The following GRK4 variants were observed in gnomAD, a reference collection of about 807,000 sequenced individuals.
The protein encoded by GRK4 is G protein-coupled receptor kinase 4.
Under a neutral mutation model 77.9 loss-of-function variants are expected in GRK4, and 73 were observed. The observed-to-expected ratio is 0.94, with a 90% CI of 0.78 to 1.14. GRK4 has a LOEUF of 1.14. Ranked by LOEUF, GRK4 falls within the 50% of genes most tolerant of loss-of-function variation. The pLI, the probability that GRK4 is intolerant of heterozygous loss-of-function variation, is 0.00. For missense variants in GRK4, 729 were observed against 700.2 expected, an observed-to-expected ratio of 1.04 and a Z score of -0.46; for synonymous variants, 257 against 254.4, an observed-to-expected ratio of 1.01 and a Z score of -0.10.
Position 3,035,416 on chromosome 4 carries a change from G to A in GRK4, c.1300G>A (p.Gly434Ser). Residue 434 changes from glycine (G) to serine (S), a missense_variant, in exon 13 of 16, where the codon GGC becomes AGC. Gly to Ser is a moderately conservative substitution (Grantham distance 56, BLOSUM62 0). Transcript: ENST00000398052. ...CACCAAGAATCCAAGCAAGCGGCTG[G>A]GCTGCAGGGGCGAGGGAGCGGCTGG... The part of the protein sequence containing the change: ...LLTKNPSKRL[G>S]CRGEGAAGVK... The A allele has an allele frequency of 6.2e-7, 1 of 1,613,962 alleles. No individual in the cohort carries two copies. Among genetic ancestry groups the A allele is most frequent in the Non-Finnish European group, 8.5e-7 (1 of 1,179,976 alleles).
At position 3,037,459 on chromosome 4, in the gene GRK4, A is replaced by T; in HGVS notation, c.1493A>T (p.Asp498Val). Residue 498 changes from aspartate to valine, a missense_variant, in exon 14 of 16, where the codon GAC becomes GTC. Coordinates refer to ENST00000398052, the MANE Select transcript of GRK4 (RefSeq NM_182982.3). ...ATCTACCTGGACACCGCAGATGAAGACTTCTATGCTCGGTTTGCTACCGGG... is the reference window on the plus strand; with the variant it reads ...ATCTACCTGGACACCGCAGATGAAGTCTTCTATGCTCGGTTTGCTACCGGG... ...KGIYLDTADE[D>V]FYARFATGCV... 3.1e-6 allele frequency: 5 copies of T among 1,611,674 alleles called. No individual in the cohort carries two copies. The highest frequency in any genetic ancestry group is 4.2e-6 in the Non-Finnish European group (5 of 1,178,136).
chr4:2,970,447 C>T (rs1006769218), intron 1 of GRK4, among the ~76,000 whole-genome samples: 2 of 151,940 alleles, frequency 1.3e-5, no homozygotes, highest in African/African-American at 4.8e-5. Flanking sequence ...ATCACGAGGT[C>T]CAGGTATCGA....
Position 3,040,685 on chromosome 4 carries a change from C to A in GRK4, c.*60C>A. On this transcript the variant is annotated 3_prime_UTR_variant, in exon 16 of 16. Transcript: ENST00000398052. The stretch of plus-strand genomic sequence containing the variant: ...GCCAGGAAGGAGCATGTGTTAGCGT[C>A]TCGTCCCACCTGGAATTGTAATAAA... 1 of 1,381,154 alleles carries A rather than the reference C, an allele frequency of 7.2e-7. No individual in the cohort carries two copies. The highest frequency in any genetic ancestry group is 1.0e-6 in the Non-Finnish European group (1 of 981,770). 85.6% of individuals were successfully genotyped at this position (1,381,154 alleles called of 1,614,324 possible).
intron 6 of GRK4, among the ~76,000 whole-genome samples, chr4:3,008,864 T>G (rs1420008253): frequency 6.6e-6 from 1 of 152,146 alleles, no homozygotes; most frequent in African/African-American, 2.4e-5. Context: ...TATTATTGAT[T>G]GATTAAATTT....
At chr4:3,037,044 G>GGTGT (rs1271637092) in intron 13 of GRK4, among the ~76,000 whole-genome samples, 21,271 of 144,094 alleles carry the variant, frequency 0.15, 1,540 homozygotes, top group African/African-American at 0.16. Flanking sequence ...CCTCAGGAGG[G>GGTGT]GTGTGTGTGT....
intron 13 of GRK4, 92 bp from the exon 14 acceptor site, chr4:3,037,282 C>A: frequency 7.9e-7 from 1 of 1,263,008 alleles, no homozygotes; most frequent in Non-Finnish European, 1.1e-6. Context: ...GGTGTTTATG[C>A]GTCAGTTTGC....
intron 8 of GRK4, among the ~76,000 whole-genome samples, chr4:3,014,972 T>C (rs1214729990): frequency 6.6e-6 from 1 of 152,204 alleles, no homozygotes; most frequent in Non-Finnish European, 1.5e-5. Flanking sequence ...CTCCTCCCTC[T>C]GGCCTCAATC....
intron 8 of GRK4, among the ~76,000 whole-genome samples, chr4:3,018,792 C>T (rs1018246044): frequency 2.2e-4 from 33 of 152,156 alleles, no homozygotes; most frequent in African/African-American, 7.9e-4. Flanking sequence ...GCAGGAGAAT[C>T]GCTTGAAACC....
chr4:2,991,136 A>G (rs1239305827), intron 3 of GRK4, among the ~76,000 whole-genome samples: 1 of 152,224 alleles, frequency 6.6e-6, no homozygotes, highest in African/African-American at 2.4e-5. Flanking sequence ...GGGTCTGGTT[A>G]GGAAAGTCTG....
intron 4 of GRK4, among the ~76,000 whole-genome samples, chr4:3,001,538 T>A (rs2109798096): frequency 6.6e-6 from 1 of 151,976 alleles, no homozygotes; most frequent in African/African-American, 2.4e-5. Flanking sequence ...AGCTAAATTT[T>A]TGTATTTTTA....
At chr4:2,967,806 C>A (rs377440015) in intron 1 of GRK4, among the ~76,000 whole-genome samples, 1 of 150,512 alleles carries the variant, frequency 6.6e-6, no homozygotes, top group East Asian at 2.0e-4. Context: ...TTTTTTGAGG[C>A]GTCGTTTTGC....
intron 12 of GRK4, among the ~76,000 whole-genome samples, chr4:3,032,786 C>G (rs1480993618): frequency 1.2e-4 from 19 of 152,182 alleles, no homozygotes; most frequent in Non-Finnish European, 1.8e-4. Flanking sequence ...AGCAAATAAT[C>G]CTCCATAATT....
At chr4:3,040,252 C>T (rs1742026367) in intron 15 of GRK4, among the ~76,000 whole-genome samples, 1 of 152,054 alleles carries the variant, frequency 6.6e-6, no homozygotes, top group African/African-American at 2.4e-5. Context: ...AGCAACCTGG[C>T]CAACATGGTG....
At chr4:3,005,768 T>TG (rs1172660337) in intron 5 of GRK4, among the ~76,000 whole-genome samples, 1 of 152,060 alleles carries the variant, frequency 6.6e-6, no homozygotes, top group Non-Finnish European at 1.5e-5. Flanking sequence ...TGTACTCCAC[T>TG]GTACTCCAGC....
chr4:3,035,303 C>T, intron 12 of GRK4, 83 bp from the exon 13 acceptor site: 1 of 1,405,688 alleles, frequency 7.1e-7, no homozygotes. Context: ...CTCCCGAGTC[C>T]TTTGGTTATT....
chr4:3,032,476 G>A (rs985771700), intron 12 of GRK4, among the ~76,000 whole-genome samples: 1 of 152,170 alleles, frequency 6.6e-6, no homozygotes, highest in Non-Finnish European at 1.5e-5. Context: ...TGCTAGGCTC[G>A]GGGAGGGGAA....
intron 13 of GRK4, among the ~76,000 whole-genome samples, chr4:3,037,057 GTGTGTGTGTGTGTATGTGTGTGTGTA>G (rs1418996846): frequency 1.0e-5 from 1 of 100,304 alleles, no homozygotes; most frequent in East Asian, 2.5e-4. Flanking sequence ...GTGTGTGTGT[GTGTGTGTGTGTGTATGTGTGTGTGTA>G]TGTGTGTGTG....
chr4:2,972,113 G>A (rs907744768), intron 1 of GRK4, among the ~76,000 whole-genome samples: 1 of 152,120 alleles, frequency 6.6e-6, no homozygotes, highest in African/African-American at 2.4e-5. Flanking sequence ...GCCCATAGAG[G>A]GGATCCTTGG....
chr4:3,027,857 T>C, intron 10 of GRK4, 55 bp from the exon 11 acceptor site: 1 of 1,441,080 alleles, frequency 6.9e-7, no homozygotes, highest in Non-Finnish European at 9.8e-7. Context: ...TTAATTGTTG[T>C]TACGGTGTCA....
Sources: allele counts gnomAD v4.1 joint callset (sites outside exome capture counted in the v4.1 genomes callset), GRCh38; gene constraint gnomAD v4.1.1; transcripts MANE v1.5; gene names NCBI Gene and HGNC (gene_info 2026-07-23, HGNC 2026-07-21).